NFIC: variants seen among roughly 807,000 people sequenced by gnomAD.
NFIC encodes nuclear factor 1 C-type.
In NFIC, 12 loss-of-function variants were observed where a neutral mutation model predicts 54.4. That is an observed-to-expected ratio of 0.22 (90% CI 0.14 to 0.36). NFIC has a LOEUF of 0.36. NFIC is among the 10% of genes least tolerant of loss of function. The probability of loss-of-function intolerance (pLI) is 1.00; values close to 1 mark genes in which losing one functional copy is unlikely to be tolerated. For missense variants in NFIC, 575 were observed against 718.2 expected (o/e 0.80, Z 2.28); for synonymous variants, 322 against 319.2 (o/e 1.01, Z -0.09).
chr19:3,422,429 A>G (rs73522198), intron 2 of NFIC, among the ~76,000 whole-genome samples: 7,025 of 150,846 alleles, frequency 0.047, 230 homozygotes, highest in African/African-American at 0.09. Flanking sequence ...CCTTGAAAGG[A>G]AAGTGAGGCC....
rs543751655 is a variant in NFIC at position 3,433,261 on chromosome 19, G to A, written c.635-257G>A. Among the ~76,000 whole-genome samples the A allele has an allele frequency of 5.3e-5, 8 of 152,328 alleles. No homozygotes were observed. The South Asian group carries it at 8.3e-4, about 16-fold the overall frequency. On this transcript the variant is annotated intron_variant, in intron 3 of 10. Coordinates refer to ENST00000443272, the MANE Select transcript of NFIC (RefSeq NM_001245002.2). ...ATTACAGGCATGAGCCACTGCGCCCGGCCTGCTGTTCACTTGAATGCAGCA... is the reference window on the plus strand; with the variant it reads ...ATTACAGGCATGAGCCACTGCGCCCAGCCTGCTGTTCACTTGAATGCAGCA...
At chr19:3,423,813 G>A (rs2081988597) in intron 2 of NFIC, among the ~76,000 whole-genome samples, 1 of 152,074 alleles carries the variant, frequency 6.6e-6, no homozygotes, top group South Asian at 2.1e-4. Flanking sequence ...CCTCTCTCTG[G>A]GGTCCCTGAA....
intron 1 of NFIC, chr19:3,371,366 C>G (rs1467184362): frequency 1.3e-5 from 2 of 149,804 alleles, no homozygotes; most frequent in African/African-American, 5.0e-5. Context: ...GCTCTGTCGC[C>G]CAGGCTGGAG....
intron 1 of NFIC, among the ~76,000 whole-genome samples, chr19:3,380,023 T>C (rs574565558): frequency 1.3e-5 from 2 of 150,886 alleles, no homozygotes; most frequent in African/African-American, 2.4e-5. Flanking sequence ...TTTTTTGAGA[T>C]GGAGTCTTGC....
intron 2 of NFIC, among the ~76,000 whole-genome samples, chr19:3,395,742 G>A (rs1307225225): frequency 1.3e-5 from 2 of 151,910 alleles, no homozygotes; most frequent in South Asian, 4.2e-4. Context: ...GTGCAGTGGC[G>A]CAATCTTGGC....
intron 2 of NFIC, among the ~76,000 whole-genome samples, chr19:3,383,171 T>G (rs2081240917): frequency 6.6e-6 from 1 of 152,094 alleles, no homozygotes; most frequent in Non-Finnish European, 1.5e-5. Flanking sequence ...CACCGCTTTC[T>G]GTGAATGCTT....
intron 2 of NFIC, among the ~76,000 whole-genome samples, chr19:3,401,666 C>T (rs1377117527): frequency 6.6e-6 from 1 of 152,100 alleles, no homozygotes; most frequent in Non-Finnish European, 1.5e-5. Context: ...CTCTGGGCTC[C>T]TGCCAGGGTC....
chr19:3,456,826 T>C (rs752111714), intron 10 of NFIC, 191 bp downstream of exon 10: 47 of 627,682 alleles, frequency 7.5e-5, no homozygotes, highest in Non-Finnish European at 1.2e-4. Context: ...CCCTCCACCT[T>C]GGTCCTGGGG....
Position 3,463,971 on chromosome 19 carries a change from A to G in NFIC, c.*1202A>G, listed in dbSNP as rs2082680280. ...CTCATCGCCGTGCCCCCCCAGAGCT[A>G]GAGAGATGGGGCCCCTGCGTGGCCC... On this transcript the variant is annotated 3_prime_UTR_variant, in exon 11 of 11. Transcript: ENST00000443272. 1 of 983,320 alleles carries G rather than the reference A, an allele frequency of 1.0e-6. No individual in the cohort carries two copies. Among genetic ancestry groups the G allele is most frequent in the African/African-American group, 1.8e-5 (1 of 56,666 alleles). 60.9% of individuals were successfully genotyped at this position (983,320 alleles called of 1,614,324 possible). A position where few individuals can be genotyped will look rare whatever the true frequency, so the allele number is the denominator to read the frequency against.
chr19:3,438,024 G>A (rs1206431684), intron 6 of NFIC, among the ~76,000 whole-genome samples: 3 of 152,116 alleles, frequency 2.0e-5, no homozygotes, highest in Non-Finnish European at 4.4e-5. Flanking sequence ...TGTAATTGAT[G>A]AGGCTGTCAG....
At chr19:3,399,296 G>A (rs144225307) in intron 2 of NFIC, among the ~76,000 whole-genome samples, 21 of 152,318 alleles carry the variant, frequency 1.4e-4, no homozygotes, top group African/African-American at 4.8e-4. Context: ...TTACATGCCC[G>A]CCAGGCATGG....
rs1159916071 is a variant in NFIC, at chr19:3,380,628, CTTTTTTTT to C, written c.31-1068_31-1061del. Among the ~76,000 whole-genome samples the C allele has an allele frequency of 9.9e-4, 95 of 96,110 alleles. 1 individual carries two copies. Among genetic ancestry groups the C allele is most frequent in the African/African-American group, 3.7e-3 (90 of 24,300 alleles). 63.1% of individuals were successfully genotyped at this position (96,110 alleles called of 152,430 possible). A position where few individuals can be genotyped will look rare whatever the true frequency, so the allele number is the denominator to read the frequency against. On this transcript the variant is annotated intron_variant, in intron 1 of 10. Transcript: ENST00000443272. ...ACAGGTGTGAGCCACTGCGCCCAGG[CTTTTTTTT>C]TTTTTTTTTTTTTTTGTGACAGTCT...
chr19:3,380,650 T>TTG (rs532108216), intron 1 of NFIC, among the ~76,000 whole-genome samples: 1 of 87,978 alleles, frequency 1.1e-5, no homozygotes, highest in Non-Finnish European at 2.1e-5. Flanking sequence ...TTTTTTTTTT[T>TTG]TGTGACAGTC....
intron 9 of NFIC, 118 bp from the exon 10 acceptor site, chr19:3,456,432 C>A: frequency 1.0e-6 from 1 of 962,244 alleles, no homozygotes; most frequent in Non-Finnish European, 1.6e-6. Context: ...GCCCCAGGCA[C>A]TGGGTGCAGA....
At chr19:3,387,749 G>C (rs537645138) in intron 2 of NFIC, among the ~76,000 whole-genome samples, 27 of 152,128 alleles carry the variant, frequency 1.8e-4, no homozygotes, top group Non-Finnish European at 1.5e-5. Context: ...GGATGTTCAG[G>C]GGGTAGTGAG....
At chr19:3,427,436 A>C (rs972457425) in intron 3 of NFIC, among the ~76,000 whole-genome samples, 1 of 152,168 alleles carries the variant, frequency 6.6e-6, no homozygotes. Flanking sequence ...TGGGTGCTCA[A>C]TAAATACTTG....
chr19:3,359,742 G>A, intron 1 of NFIC: 4 of 1,380,708 alleles, frequency 2.9e-6, no homozygotes, highest in Non-Finnish European at 3.8e-6. Context: ...GTGGTGCGTG[G>A]GCTCCGGGCG....
chr19:3,379,852 G>A (rs1220857181), intron 1 of NFIC, among the ~76,000 whole-genome samples: 1 of 150,988 alleles, frequency 6.6e-6, no homozygotes, highest in Admixed American at 6.6e-5. Context: ...ACCTAGCTAA[G>A]TTTTGATTTT....
chr19:3,392,148 T>C (rs1034799594), intron 2 of NFIC, among the ~76,000 whole-genome samples: 1 of 145,824 alleles, frequency 6.9e-6, no homozygotes, highest in East Asian at 2.1e-4. Flanking sequence ...CGTGGCTCAC[T>C]GCAACCTCCA....
Sources: gnomAD v4.1 joint callset for allele counts (sites outside exome capture counted in the v4.1 genomes callset) on GRCh38, gnomAD v4.1.1 for gene constraint, MANE v1.5 for transcripts, NCBI Gene and HGNC (gene_info 2026-07-23, HGNC 2026-07-21) for gene names.